EPHA6: variants seen among roughly 807,000 people sequenced by gnomAD.
EPHA6 encodes the protein ephrin type-A receptor 6.
A neutral mutation model predicts 112.0 loss-of-function variants in EPHA6; 50 were observed. That is an observed-to-expected ratio of 0.45 (90% CI 0.36 to 0.56). EPHA6 has a LOEUF of 0.56. EPHA6 is among the 20% of genes least tolerant of loss of function. The pLI, the probability that EPHA6 is intolerant of heterozygous loss-of-function variation, is 0.00. For missense variants in EPHA6, 1,280 were observed against 1,417.4 expected (o/e 0.90, Z 1.56); for synonymous variants, 529 against 490.7 (o/e 1.08, Z -1.03).
intron 3 of EPHA6, among the ~76,000 whole-genome samples, chr3:97,153,235 T>C (rs2076208932): frequency 6.6e-6 from 1 of 152,122 alleles, no homozygotes; most frequent in South Asian, 2.1e-4. Context: ...AACATCAATA[T>C]ATAGCTTTGG....
At chr3:96,967,466 A>G (rs1384953186) in intron 2 of EPHA6, among the ~76,000 whole-genome samples, 2 of 151,554 alleles carry the variant, frequency 1.3e-5, no homozygotes, top group African/African-American at 4.8e-5. Flanking sequence ...CTTTGCCACA[A>G]TTATTTTTCA....
chr3:97,362,619 G>T (rs988571346), intron 5 of EPHA6, among the ~76,000 whole-genome samples: 2 of 151,884 alleles, frequency 1.3e-5, no homozygotes, highest in African/African-American at 4.8e-5. Context: ...TTAATATATT[G>T]TGTTAATGTC....
intron 12 of EPHA6, among the ~76,000 whole-genome samples, chr3:97,605,656 T>C (rs1412244703): frequency 6.6e-6 from 1 of 151,758 alleles, no homozygotes; most frequent in African/African-American, 2.4e-5. Context: ...TGTTGCTTTA[T>C]AGTATAGTTT....
chr3:97,373,091 A>G (rs957113051), intron 5 of EPHA6, among the ~76,000 whole-genome samples: 1 of 152,096 alleles, frequency 6.6e-6, no homozygotes, highest in Non-Finnish European at 1.5e-5. Context: ...TTTCTTGGCA[A>G]TATTTTTGTG....
chr3:97,341,481 A>T (rs952365734), intron 5 of EPHA6, among the ~76,000 whole-genome samples: 2 of 151,878 alleles, frequency 1.3e-5, no homozygotes, highest in Non-Finnish European at 2.9e-5. Context: ...CAGCCTCCCA[A>T]GTAGCTGGGA....
intron 6 of EPHA6, among the ~76,000 whole-genome samples, chr3:97,430,965 C>T (rs1306656036): frequency 2.0e-5 from 3 of 151,886 alleles, no homozygotes; most frequent in Non-Finnish European, 4.4e-5. Context: ...TTGTAGAATC[C>T]GTACTGATTC....
intron 2 of EPHA6, among the ~76,000 whole-genome samples, chr3:96,889,838 A>T (rs1389161981): frequency 2.0e-5 from 3 of 152,200 alleles, no homozygotes; most frequent in African/African-American, 7.2e-5. Flanking sequence ...AGACAAATTT[A>T]CTAGCAGGAA....
intron 14 of EPHA6, among the ~76,000 whole-genome samples, chr3:97,671,949 C>A (rs939356486): frequency 1.3e-5 from 2 of 152,138 alleles, no homozygotes; most frequent in African/African-American, 4.8e-5. Flanking sequence ...CAGTCTGACA[C>A]CTTTGACTGC....
chr3:97,181,615 GTA>G (rs969990436), intron 3 of EPHA6, among the ~76,000 whole-genome samples: 2,137 of 151,884 alleles, frequency 0.014, 54 homozygotes, highest in African/African-American at 0.049. Flanking sequence ...GTGTGTGTGT[GTA>G]TATATATGTA....
intron 11 of EPHA6, among the ~76,000 whole-genome samples, chr3:97,591,829 A>C (rs2093547526): frequency 6.6e-6 from 1 of 152,182 alleles, no homozygotes; most frequent in Non-Finnish European, 1.5e-5. Flanking sequence ...TTGTCCTGGT[A>C]GTCTACCAAC....
At chr3:97,466,273 A>C in intron 7 of EPHA6, 1 of 1,227,322 alleles carries the variant, frequency 8.1e-7, no homozygotes, top group Non-Finnish European at 1.2e-6. Context: ...GTAAGGTTAG[A>C]TAGAAAACAT....
At chr3:96,920,989 TAA>T (rs2039729611) in intron 2 of EPHA6, among the ~76,000 whole-genome samples, 1 of 152,194 alleles carries the variant, frequency 6.6e-6, no homozygotes, top group Admixed American at 6.5e-5. Flanking sequence ...CAGAATTCTT[TAA>T]GACTGTTAAT....
intron 2 of EPHA6, among the ~76,000 whole-genome samples, chr3:96,956,561 A>C (rs2041767640): frequency 6.6e-6 from 1 of 152,224 alleles, no homozygotes; most frequent in African/African-American, 2.4e-5. Flanking sequence ...AGCATGCTAT[A>C]GAGCTTCAAA....
chr3:97,265,171 T>C (rs1255988959), intron 5 of EPHA6, among the ~76,000 whole-genome samples: 1 of 152,078 alleles, frequency 6.6e-6, no homozygotes, highest in Non-Finnish European at 1.5e-5. Context: ...TGGGCAGCCA[T>C]GAGTGGGCCC....
At chr3:97,638,438 A>C (rs1324626821) in intron 14 of EPHA6, among the ~76,000 whole-genome samples, 3 of 152,140 alleles carry the variant, frequency 2.0e-5, no homozygotes, top group Non-Finnish European at 2.9e-5. Flanking sequence ...TGGTAGAATT[A>C]ATTACTACCT....
intron 3 of EPHA6, among the ~76,000 whole-genome samples, chr3:97,034,214 A>G (rs1047546473): frequency 6.6e-6 from 1 of 151,952 alleles, no homozygotes; most frequent in African/African-American, 2.4e-5. Flanking sequence ...AAATGAAAAT[A>G]TAGTAATTTT....
chr3:97,332,087 G>T (rs2082829421), intron 5 of EPHA6, among the ~76,000 whole-genome samples: 1 of 152,168 alleles, frequency 6.6e-6, no homozygotes, highest in Non-Finnish European at 1.5e-5. Context: ...TCCCTGGGAT[G>T]CAAGGGTGGT....
At chr3:97,667,796 T>C (rs1274010420) in intron 14 of EPHA6, among the ~76,000 whole-genome samples, 1 of 152,130 alleles carries the variant, frequency 6.6e-6, no homozygotes, top group African/African-American at 2.4e-5. Context: ...TTTGCTCTTT[T>C]TCATGGAGCA....
At chr3:97,096,204 T>C (rs1196203879) in intron 3 of EPHA6, among the ~76,000 whole-genome samples, 2 of 151,792 alleles carry the variant, frequency 1.3e-5, no homozygotes. Flanking sequence ...TTGCAAAATG[T>C]GTATGTGTGT....
Sources: gnomAD v4.1 joint callset for allele counts (sites outside exome capture counted in the v4.1 genomes callset) on GRCh38, gnomAD v4.1.1 for gene constraint, MANE v1.5 for transcripts, NCBI Gene and HGNC (gene_info 2026-07-23, HGNC 2026-07-21) for gene names.